The following XRCC6 variants were observed in gnomAD, a reference collection of about 807,000 sequenced individuals.
The protein encoded by XRCC6 is DNA repair protein Ku70.
In XRCC6, 5 loss-of-function variants were observed where a neutral mutation model predicts 65.7. The ratio of observed to expected loss-of-function variants is 0.08; its 90% CI spans 0.04 to 0.16. XRCC6 has a LOEUF of 0.16. XRCC6 is among the 10% of genes least tolerant of loss of function. The pLI, the probability that XRCC6 is intolerant of heterozygous loss-of-function variation, is 1.00. For synonymous variants in XRCC6, 270 were observed against 270.6 expected (o/e 1.00, Z 0.02); for missense variants, 447 against 738.1 (o/e 0.61, Z 4.57).
At chr22:41,627,536 G>T (rs1292102046) in intron 2 of XRCC6, among the ~76,000 whole-genome samples, 1 of 151,264 alleles carries the variant, frequency 6.6e-6, no homozygotes, top group African/African-American at 2.4e-5. Context: ...GCTTGAACCT[G>T]GGAGACGGAG....
chr22:41,639,329 CTTTTTTTTTTTTTT>C lies in XRCC6; in HGVS notation c.773+1550_773+1563del, dbSNP rs386395480. 1.4e-4 allele frequency among the ~76,000 whole-genome samples: 9 copies of C among 64,586 alleles called. 1 individual carries two copies. The Middle Eastern group carries it at 0.083, about 598-fold the overall frequency. 42.4% of individuals were successfully genotyped at this position (64,586 alleles called of 152,430 possible). A position where few individuals can be genotyped will look rare whatever the true frequency, so the allele number is the denominator to read the frequency against. On this transcript the variant is annotated intron_variant, in intron 6 of 12. Coordinates refer to ENST00000360079, the MANE Select transcript of XRCC6 (RefSeq NM_001469.5). ...GGAACCAGATTGCTAGATTCTTTTT[CTTTTTTTTTTTTTT>C]TTTTTTTTTTTGAGACAAAGTCTCA...
chr22:41,660,686 T>C (rs1438311781), intron 11 of XRCC6, among the ~76,000 whole-genome samples: 1 of 152,154 alleles, frequency 6.6e-6, no homozygotes, highest in Non-Finnish European at 1.5e-5. Context: ...CTGCTTCTTA[T>C]CTTTCACCAC....
chr22:41,631,920 G>A (rs1331344222), intron 3 of XRCC6, among the ~76,000 whole-genome samples: 2 of 152,226 alleles, frequency 1.3e-5, no homozygotes, highest in Non-Finnish European at 2.9e-5. Context: ...GCGGTTAGGA[G>A]CTGGAGACCA....
Position 41,653,663 on chromosome 22 carries a change from G to A in XRCC6, c.1264G>A (p.Asp422Asn), listed in dbSNP as rs1192175214. 6.2e-7 allele frequency: 1 copy of A among 1,614,056 alleles called. No homozygotes were observed. Among genetic ancestry groups the A allele is most frequent in the Admixed American group, 1.7e-5 (1 of 60,006 alleles). Residue 422 changes from aspartate (D) to asparagine (N), a missense_variant, in exon 9 of 13, where the codon GAC (aspartate) becomes AAC (asparagine). By Grantham distance (23) the Asp-to-Asn change is conservative. This residue lies in a region of XRCC6 where 201 missense variants were observed against 374.1 expected (regional missense o/e 0.54). Transcript: ENST00000360079. ...GGTGCCACAGGAAGAAGAGTTGGAT[G>A]ACCAGAAAATTCAGGTGACTCCTCC... ...ALVPQEEELD[D>N]QKIQVTPPGF...
At chr22:41,644,420 T>C (rs1250777548) in intron 6 of XRCC6, among the ~76,000 whole-genome samples, 1 of 152,212 alleles carries the variant, frequency 6.6e-6, no homozygotes, top group Non-Finnish European at 1.5e-5. Flanking sequence ...CGTTCTTTTT[T>C]TCCCCCATAA....
chr22:41,638,205 T>C (rs1255291253), intron 6 of XRCC6, among the ~76,000 whole-genome samples: 2 of 152,134 alleles, frequency 1.3e-5, no homozygotes, highest in Non-Finnish European at 1.5e-5. Flanking sequence ...TAGACAGTTA[T>C]GGTCTAAGAG....
chr22:41,628,263 A>G, intron 3 of XRCC6, 33 bp downstream of exon 3: 1 of 1,576,478 alleles, frequency 6.3e-7, no homozygotes. Context: ...GACAAATTTA[A>G]AAACAGTATT....
intron 3 of XRCC6, among the ~76,000 whole-genome samples, chr22:41,629,500 T>G (rs28741116): frequency 6.0e-4 from 92 of 152,278 alleles, no homozygotes; most frequent in African/African-American, 2.1e-3. Flanking sequence ...ATAGGTAAGT[T>G]CTTAACGCAG....
chr22:41,648,993 T>C (rs2067963361), intron 7 of XRCC6, among the ~76,000 whole-genome samples: 1 of 44,112 alleles, frequency 2.3e-5, no homozygotes, highest in Admixed American at 1.3e-4. Flanking sequence ...GCTCATGCAC[T>C]TTTGGAGGCT....
intron 3 of XRCC6, among the ~76,000 whole-genome samples, chr22:41,635,076 C>A (rs963876052): frequency 2.6e-5 from 4 of 152,204 alleles, no homozygotes; most frequent in African/African-American, 9.7e-5. Flanking sequence ...GGTTGCAGGA[C>A]TCCCCGTGGA....
intron 12 of XRCC6, among the ~76,000 whole-genome samples, chr22:41,662,105 A>G (rs546558480): frequency 1.2e-4 from 18 of 152,274 alleles, no homozygotes; most frequent in Non-Finnish European, 2.5e-4. Flanking sequence ...GTTGGTGGGG[A>G]TGGTTAATGG....
rs374917433 is a variant in XRCC6 at position 41,658,351 on chromosome 22, A to G, written c.1521A>G (p.Thr507=). The G allele has an allele frequency of 1.8e-5, 29 of 1,613,956 alleles. No individual in the cohort carries two copies. Among genetic ancestry groups the G allele is most frequent in the Non-Finnish European group, 2.4e-5 (28 of 1,179,958 alleles). The change falls in exon 11 of 13, where the codon ACA becomes ACG. Residue 507 remains threonine, a splice_region_variant and synonymous_variant. Coordinates refer to ENST00000360079, the MANE Select transcript of XRCC6 (RefSeq NM_001469.5). The stretch of plus-strand genomic sequence containing the variant: ...AGCCGGAACAAGCAGTGGACCTGAC[A>G]TGTAAGGAGGTTGAATAGAGTAGTT... ...LMEPEQAVDL[T]LPKVEAMNKR...
At chr22:41,623,229 G>T (rs1419492577) in intron 2 of XRCC6, among the ~76,000 whole-genome samples, 1 of 151,578 alleles carries the variant, frequency 6.6e-6, no homozygotes, top group African/African-American at 2.4e-5. Context: ...TACAAGTGCC[G>T]CCAACTCCCA....
At chr22:41,637,845 C>T in intron 6 of XRCC6, 54 bp downstream of exon 6, 1 of 1,559,514 alleles carries the variant, frequency 6.4e-7, no homozygotes, top group Non-Finnish European at 8.7e-7. Context: ...CAGAAGCAGG[C>T]TGGGCGCGGT....
chr22:41,661,366 T>C lies in XRCC6; in HGVS notation c.1558T>C (p.Ser520Pro), dbSNP rs1231270659. Residue 520 changes from serine (S) to proline (P), a missense_variant, in exon 12 of 13, where the codon TCC becomes CCC. Around this residue, in one of 4 missense-constraint regions of XRCC6, gnomAD observed 201 missense variants for 374.1 expected, o/e 0.54. Coordinates refer to ENST00000360079, the MANE Select transcript of XRCC6 (RefSeq NM_001469.5). ...KVEAMNKRLGSLVDEFKELVY... is the reference protein window; with the variant it reads ...KVEAMNKRLGPLVDEFKELVY... ...TGAAGCAATGAATAAAAGACTGGGC[T>C]CCTTGGTGGATGAGTTTAAGGAGCT... 1 of 1,614,100 alleles carries C rather than the reference T, an allele frequency of 6.2e-7. No individual in the cohort carries two copies. Among genetic ancestry groups the C allele is most frequent in the Non-Finnish European group, 8.5e-7 (1 of 1,180,012 alleles).
rs556849232 is a variant in XRCC6, at chr22:41,649,143, T to A, written c.961-1580T>A. On this transcript the variant is annotated intron_variant, in intron 7 of 12. Transcript: ENST00000360079. ...AGAGAGTACAAAAAAAAAAAAAATA[T>A]ATATATATATATATATATATGTATG... Among the ~76,000 whole-genome samples the A allele has an allele frequency of 3.9e-3, 461 of 117,262 alleles. 2 individuals are homozygous for A. Among genetic ancestry groups the A allele is most frequent in the African/African-American group, 0.012 (342 of 28,214 alleles). 76.9% of individuals were successfully genotyped at this position (117,262 alleles called of 152,430 possible).
chr22:41,637,407 C>T (rs1353652815), intron 5 of XRCC6, among the ~76,000 whole-genome samples: 1 of 152,076 alleles, frequency 6.6e-6, no homozygotes, highest in African/African-American at 2.4e-5. Context: ...TTTAATATTA[C>T]CACGAATGGT....
intron 5 of XRCC6, 38 bp downstream of exon 5, chr22:41,636,808 A>T: frequency 6.3e-7 from 1 of 1,588,942 alleles, no homozygotes; most frequent in Non-Finnish European, 8.5e-7. Flanking sequence ...TTGGCACTTA[A>T]TTATTGTTTT....
At chr22:41,629,129 C>T (rs902021759) in intron 3 of XRCC6, among the ~76,000 whole-genome samples, 2 of 152,080 alleles carry the variant, frequency 1.3e-5, no homozygotes, top group African/African-American at 2.4e-5. Context: ...ATTTAAAAAA[C>T]ACCAGCAGAA....
Sources: gnomAD v4.1 joint callset for allele counts (sites outside exome capture counted in the v4.1 genomes callset) on GRCh38, gnomAD v4.1.1 for gene constraint, gnomAD v4.1.1 regional missense constraint, MANE v1.5 for transcripts, NCBI Gene and HGNC (gene_info 2026-07-23, HGNC 2026-07-21) for gene names.